WWOX: variants seen among roughly 807,000 people sequenced by gnomAD.
WWOX encodes WW domain containing oxidoreductase, also known as WW domain-containing oxidoreductase.
WWOX carries 69 observed loss-of-function variants against 46.2 expected under a neutral mutation model. The observed-to-expected ratio is 1.49, with a 90% CI of 1.23 to 1.82. WWOX has a LOEUF of 1.82. Ranked by LOEUF, WWOX falls within the 40% of genes most tolerant of loss-of-function variation. The pLI, the probability that WWOX is intolerant of heterozygous loss-of-function variation, is 0.00. For synonymous variants in WWOX, 359 were observed against 202.6 expected, an observed-to-expected ratio of 1.77 and a Z score of -6.56; for missense variants, 919 against 542.6, an observed-to-expected ratio of 1.69 and a Z score of -6.89.
chr16:78,783,578 A>G (rs1053297181), intron 8 of WWOX, among the ~76,000 whole-genome samples: 1 of 152,232 alleles, frequency 6.6e-6, no homozygotes, highest in African/African-American at 2.4e-5. Context: ...CTGAAGCCCT[A>G]TGCCTTTGGG....
chr16:79,003,203 A>G (rs1202921567), intron 8 of WWOX, among the ~76,000 whole-genome samples: 5 of 152,364 alleles, frequency 3.3e-5, no homozygotes, highest in Middle Eastern at 3.4e-3. Flanking sequence ...CTTAGTGAGA[A>G]TCAGACATGG....
chr16:78,527,846 G>C (rs968044821), intron 8 of WWOX, among the ~76,000 whole-genome samples: 2 of 151,854 alleles, frequency 1.3e-5, no homozygotes, highest in Non-Finnish European at 2.9e-5. Context: ...CTGGCATCTA[G>C]TGGGCAAAGG....
intron 8 of WWOX, among the ~76,000 whole-genome samples, chr16:78,855,858 G>T (rs546254155): frequency 6.6e-6 from 1 of 152,108 alleles, no homozygotes; most frequent in Non-Finnish European, 1.5e-5. Flanking sequence ...GAAGCCCAGG[G>T]GATCCAGGGA....
intron 4 of WWOX, among the ~76,000 whole-genome samples, chr16:78,159,177 C>G (rs1462161244): frequency 6.8e-6 from 1 of 147,324 alleles, no homozygotes; most frequent in Non-Finnish European, 1.5e-5. Context: ...GTGTGTGTGT[C>G]TTCCACATTT....
chr16:78,668,192 A>G (rs2047376909), intron 8 of WWOX, among the ~76,000 whole-genome samples: 1 of 152,124 alleles, frequency 6.6e-6, no homozygotes, highest in East Asian at 1.9e-4. Flanking sequence ...GGACAGAAGA[A>G]CCACTGGAAC....
chr16:78,340,017 TGG>T (rs753232185), intron 5 of WWOX, among the ~76,000 whole-genome samples: 14 of 6,796 alleles, frequency 2.1e-3, no homozygotes, highest in Admixed American at 2.4e-3. Context: ...ATGGATTTGG[TGG>T]GGGGGGGGGG....
intron 8 of WWOX, among the ~76,000 whole-genome samples, chr16:79,037,815 T>A (rs1167954202): frequency 6.6e-6 from 1 of 152,108 alleles, no homozygotes; most frequent in Non-Finnish European, 1.5e-5. Context: ...GGTCAGGAGA[T>A]CTTTCTGCCA....
At chr16:79,017,795 G>A (rs1260947058) in intron 8 of WWOX, among the ~76,000 whole-genome samples, 1 of 151,364 alleles carries the variant, frequency 6.6e-6, no homozygotes, top group Non-Finnish European at 1.5e-5. Flanking sequence ...CCCATTATTT[G>A]CATAACAAAT....
intron 8 of WWOX, among the ~76,000 whole-genome samples, chr16:78,733,562 A>G (rs545476467): frequency 3.3e-5 from 5 of 151,718 alleles, no homozygotes; most frequent in African/African-American, 9.7e-5. Context: ...CCTGGCCAAC[A>G]TGATGAAACC....
chr16:78,408,662 C>T (rs535573658), intron 6 of WWOX, among the ~76,000 whole-genome samples: 21 of 152,314 alleles, frequency 1.4e-4, no homozygotes, highest in African/African-American at 5.1e-4. Flanking sequence ...TGCCTGTCGT[C>T]TTGACCTTGT....
chr16:78,386,608 AAC>A (rs2082066091), intron 5 of WWOX, among the ~76,000 whole-genome samples: 1 of 151,738 alleles, frequency 6.6e-6, no homozygotes, highest in Non-Finnish European at 1.5e-5. Context: ...GCGCGGCTGA[AAC>A]ACAGCACAAC....
intron 5 of WWOX, among the ~76,000 whole-genome samples, chr16:78,174,000 G>C (rs562645877): frequency 3.3e-5 from 5 of 152,154 alleles, no homozygotes; most frequent in Admixed American, 1.3e-4. Flanking sequence ...CATGTGTCTT[G>C]TAAGGGCACT....
chr16:78,901,746 C>G (rs1016205868), intron 8 of WWOX, among the ~76,000 whole-genome samples: 2 of 152,212 alleles, frequency 1.3e-5, no homozygotes, highest in African/African-American at 4.8e-5. Context: ...GCCATGGTCT[C>G]CCAAAGTGCT....
At chr16:78,842,825 C>T (rs1392615381) in intron 8 of WWOX, among the ~76,000 whole-genome samples, 1 of 133,434 alleles carries the variant, frequency 7.5e-6, no homozygotes. Flanking sequence ...GCACACCAGC[C>T]GGGGGTGACA....
intron 4 of WWOX, chr16:78,124,192 T>C (rs1216605302): frequency 1.3e-5 from 2 of 152,164 alleles, no homozygotes; most frequent in East Asian, 1.9e-4. Context: ...TCAGCAACTT[T>C]TTCTCTTTTG....
At chr16:78,532,296 T>C (rs1034722003) in intron 8 of WWOX, among the ~76,000 whole-genome samples, 1 of 152,164 alleles carries the variant, frequency 6.6e-6, no homozygotes, top group Non-Finnish European at 1.5e-5. Context: ...GGATGCCATT[T>C]TGGCAACAGA....
intron 8 of WWOX, among the ~76,000 whole-genome samples, chr16:79,166,405 C>G (rs1271298622): frequency 6.6e-6 from 1 of 152,102 alleles, no homozygotes; most frequent in Non-Finnish European, 1.5e-5. Flanking sequence ...CTTTTGCCTC[C>G]TCTTTAGTTC....
intron 8 of WWOX, among the ~76,000 whole-genome samples, chr16:78,612,464 A>G (rs1253833477): frequency 6.6e-6 from 1 of 152,174 alleles, no homozygotes; most frequent in African/African-American, 2.4e-5. Context: ...CTCTTGGCAC[A>G]TGATGTAGGT....
intron 7 of WWOX, among the ~76,000 whole-genome samples, chr16:78,430,645 G>A (rs1276102916): frequency 3.9e-5 from 6 of 152,094 alleles, no homozygotes; most frequent in Non-Finnish European, 8.8e-5. Flanking sequence ...AGACAATTAA[G>A]CTTGGAAGTC....
Sources: allele counts gnomAD v4.1 joint callset (sites outside exome capture counted in the v4.1 genomes callset), GRCh38; gene constraint gnomAD v4.1.1; transcripts MANE v1.5; gene names NCBI Gene and HGNC (gene_info 2026-07-23, HGNC 2026-07-21).